BRINP3: variants seen among roughly 807,000 people sequenced by gnomAD.
BRINP3 encodes BMP/retinoic acid-inducible neural-specific protein 3.
In BRINP3, 19 loss-of-function variants were observed where a neutral mutation model predicts 71.0. The observed-to-expected ratio is 0.27, with a 90% CI of 0.19 to 0.39. BRINP3 has a LOEUF of 0.39. Among genes scored for constraint, BRINP3 ranks in the 10% least tolerant of loss-of-function variants. The pLI is 1.00. For missense variants in BRINP3, 959 were observed against 940.8 expected, an observed-to-expected ratio of 1.02 and a Z score of -0.25; for synonymous variants, 380 against 337.7, an observed-to-expected ratio of 1.13 and a Z score of -1.37.
At chr1:190,231,295 GT>G (rs1356577268) in intron 5 of BRINP3, among the ~76,000 whole-genome samples, 1 of 151,654 alleles carries the variant, frequency 6.6e-6, no homozygotes, top group Non-Finnish European at 1.5e-5. Context: ...AACAAAAACA[GT>G]TTTTTGAAGC....
intron 2 of BRINP3, among the ~76,000 whole-genome samples, chr1:190,316,643 T>TA (rs1304942618): frequency 5.3e-5 from 8 of 152,264 alleles, no homozygotes; most frequent in African/African-American, 1.9e-4. Flanking sequence ...GCCTCAGTGC[T>TA]ATAATGCATA....
At chr1:190,267,580 G>A (rs986512784) in intron 3 of BRINP3, among the ~76,000 whole-genome samples, 1 of 151,852 alleles carries the variant, frequency 6.6e-6, no homozygotes, top group Non-Finnish European at 1.5e-5. Flanking sequence ...AAAGGTAAAA[G>A]CAGGTGTTCG....
chr1:190,395,282 T>C (rs565341061), intron 2 of BRINP3, among the ~76,000 whole-genome samples: 23 of 151,722 alleles, frequency 1.5e-4, no homozygotes, highest in Non-Finnish European at 3.1e-4. Flanking sequence ...TTCAATTGCT[T>C]AATGTAATGA....
intron 7 of BRINP3, among the ~76,000 whole-genome samples, chr1:190,150,014 A>G (rs908983725): frequency 2.6e-5 from 4 of 152,142 alleles, no homozygotes; most frequent in Non-Finnish European, 4.4e-5. Context: ...CACTCACTTT[A>G]TAACTTGTGT....
At chr1:190,350,926 G>T (rs908480518) in intron 2 of BRINP3, among the ~76,000 whole-genome samples, 1 of 151,578 alleles carries the variant, frequency 6.6e-6, no homozygotes, top group East Asian at 2.0e-4. Context: ...ATGTTGAAGC[G>T]GTTCTCCTGC....
chr1:190,274,360 C>T lies in BRINP3; in HGVS notation c.427+7200G>A, dbSNP rs1018805146. The stretch of plus-strand genomic sequence containing the variant: ...CCATTGTCCTATAATGTTTACATTC[C>T]GCCCAGAAAAAAAATTATGTGCATT... On this transcript the variant is annotated intron_variant, in intron 3 of 7. Transcript: ENST00000367462. Among the ~76,000 whole-genome samples the T allele has an allele frequency of 3.3e-5, 5 of 150,872 alleles. No homozygotes were observed. In the East Asian group the frequency reaches 5.8e-4, roughly 18 times the overall value.
intron 2 of BRINP3, among the ~76,000 whole-genome samples, chr1:190,375,273 A>T (rs1241554064): frequency 6.6e-6 from 1 of 151,936 alleles, no homozygotes; most frequent in Non-Finnish European, 1.5e-5. Context: ...TTGTATATGT[A>T]AATGTGTATA....
intron 2 of BRINP3, among the ~76,000 whole-genome samples, chr1:190,416,822 C>T (rs1021850819): frequency 1.3e-5 from 2 of 152,104 alleles, no homozygotes; most frequent in Non-Finnish European, 1.5e-5. Flanking sequence ...GACAGTATTA[C>T]TCCAGAACCG....
rs1657289317 is a variant in BRINP3 at position 190,160,820 on chromosome 1, C to A, written c.1032G>T (p.Leu344Phe). 1 of 1,613,418 alleles carries A rather than the reference C, an allele frequency of 6.2e-7. No individual in the cohort carries two copies. Among genetic ancestry groups the A allele is most frequent in the African/African-American group, 1.3e-5 (1 of 74,870 alleles). Reference protein sequence around the residue: ...YFLNTSTIMHLWTMDSNFQRR... With the variant: ...YFLNTSTIMHFWTMDSNFQRR... ...GCTGAAAATTAGAATCCATTGTCCA[C>A]AAATGCATTATAGTAGATGTGTTGA... is the stretch of plus-strand genomic sequence containing the variant. Residue 344 changes from leucine to phenylalanine, a missense_variant, in exon 7 of 8, where the codon TTG becomes TTT. Leu to Phe is a conservative substitution (Grantham distance 22, BLOSUM62 0). Transcript: ENST00000367462.
chr1:190,130,156 A>G (rs1654420814), intron 7 of BRINP3, among the ~76,000 whole-genome samples: 1 of 151,998 alleles, frequency 6.6e-6, no homozygotes, highest in South Asian at 2.1e-4. Flanking sequence ...AAGAGCAAAT[A>G]AGAGAATTGA....
At chr1:190,117,727 GAACT>G (rs1257081873) in intron 7 of BRINP3, among the ~76,000 whole-genome samples, 1 of 151,916 alleles carries the variant, frequency 6.6e-6, no homozygotes, top group East Asian at 1.9e-4. Flanking sequence ...TTATTGACAA[GAACT>G]AACACCTGGG....
At chr1:190,304,213 T>G (rs766539350) in intron 2 of BRINP3, among the ~76,000 whole-genome samples, 7 of 151,882 alleles carry the variant, frequency 4.6e-5, no homozygotes, top group African/African-American at 1.7e-4. Context: ...GATTTTTGGC[T>G]TTCAATTATA....
chr1:190,207,571 C>T (rs1655619148), intron 6 of BRINP3, among the ~76,000 whole-genome samples: 1 of 152,030 alleles, frequency 6.6e-6, no homozygotes, highest in East Asian at 1.9e-4. Flanking sequence ...GCCATTTAGC[C>T]TCATGTCAGT....
intron 6 of BRINP3, among the ~76,000 whole-genome samples, chr1:190,192,214 C>A (rs556275868): frequency 6.6e-6 from 1 of 151,950 alleles, no homozygotes; most frequent in African/African-American, 2.4e-5. Flanking sequence ...TTAAAAAAGG[C>A]TTAAGCATGT....
At chr1:190,368,897 T>C (rs1026124806) in intron 2 of BRINP3, among the ~76,000 whole-genome samples, 1 of 152,174 alleles carries the variant, frequency 6.6e-6, no homozygotes, top group African/African-American at 2.4e-5. Flanking sequence ...AATTTTGACT[T>C]GGTCTGGCAT....
chr1:190,313,477 T>A (rs1259586464), intron 2 of BRINP3, among the ~76,000 whole-genome samples: 1 of 152,010 alleles, frequency 6.6e-6, no homozygotes, highest in Non-Finnish European at 1.5e-5. Flanking sequence ...TAGGGAAGCC[T>A]CCCTAAGTAT....
chr1:190,402,201 G>C (rs2102362438), intron 2 of BRINP3, among the ~76,000 whole-genome samples: 1 of 152,062 alleles, frequency 6.6e-6, no homozygotes, highest in Non-Finnish European at 1.5e-5. Flanking sequence ...TAATTTGCCT[G>C]CTATTTTTTC....
intron 3 of BRINP3, among the ~76,000 whole-genome samples, chr1:190,276,554 GACACAC>G (rs150589288): frequency 8.9e-5 from 13 of 145,846 alleles, no homozygotes; most frequent in Non-Finnish European, 1.7e-4. Flanking sequence ...TTCTTTAAAA[GACACAC>G]ACACACACAC....
intron 2 of BRINP3, among the ~76,000 whole-genome samples, chr1:190,430,734 G>A (rs1459597731): frequency 1.3e-5 from 2 of 152,102 alleles, no homozygotes; most frequent in Admixed American, 6.6e-5. Context: ...AGCAGTGATG[G>A]CATACTACAT....
Sources: allele counts gnomAD v4.1 joint callset (sites outside exome capture counted in the v4.1 genomes callset), GRCh38; gene constraint gnomAD v4.1.1; transcripts MANE v1.5; gene names NCBI Gene and HGNC (gene_info 2026-07-23, HGNC 2026-07-21).